The following TRIO variants were observed in gnomAD, a reference collection of about 807,000 sequenced individuals.
TRIO encodes trio Rho guanine nucleotide exchange factor.
TRIO carries 58 observed loss-of-function variants against 351.9 expected under a neutral mutation model. The observed-to-expected ratio is 0.16, with a 90% CI of 0.13 to 0.21. The LOEUF is 0.21. Among genes scored for constraint, TRIO ranks in the 10% least tolerant of loss-of-function variants. The probability of loss-of-function intolerance (pLI) is 1.00; values close to 1 mark genes in which losing one functional copy is unlikely to be tolerated. For synonymous variants in TRIO, 1,758 were observed against 1,595.7 expected (o/e 1.10, Z -2.42); for missense variants, 3,201 against 4,027.8 (o/e 0.79, Z 5.56).
chr5:14,398,319 G>A (rs1446878243), intron 29 of TRIO, among the ~76,000 whole-genome samples: 1 of 152,222 alleles, frequency 6.6e-6, no homozygotes, highest in Non-Finnish European at 1.5e-5. Flanking sequence ...TTCACATGCA[G>A]ACTGTCACAT....
chr5:14,236,546 T>C (rs1793777680), intron 1 of TRIO, among the ~76,000 whole-genome samples: 1 of 152,190 alleles, frequency 6.6e-6, no homozygotes, highest in Non-Finnish European at 1.5e-5. Flanking sequence ...ATACCAAAAC[T>C]TTGTGTGGTT....
chr5:14,396,580 C>T (rs1747616888), intron 28 of TRIO, among the ~76,000 whole-genome samples: 1 of 146,924 alleles, frequency 6.8e-6, no homozygotes. Flanking sequence ...TGTGATTCTC[C>T]TCCCTCAGTC....
chr5:14,504,680 A>T, intron 55 of TRIO, 87 bp downstream of exon 55: 1 of 1,487,814 alleles, frequency 6.7e-7, no homozygotes, highest in Non-Finnish European at 9.1e-7. Flanking sequence ...TCTAAGAAGG[A>T]TAGAAATTGG....
chr5:14,206,781 TA>T (rs1299804044), intron 1 of TRIO, among the ~76,000 whole-genome samples: 3 of 152,254 alleles, frequency 2.0e-5, no homozygotes, highest in African/African-American at 7.2e-5. Context: ...AAAAAGAGAA[TA>T]AAACTTCCTA....
intron 19 of TRIO, among the ~76,000 whole-genome samples, chr5:14,376,035 G>A (rs1159382218): frequency 2.0e-5 from 3 of 152,106 alleles, no homozygotes; most frequent in Non-Finnish European, 4.4e-5. Context: ...GAATATGGTG[G>A]TATTTAGGGT....
intron 1 of TRIO, among the ~76,000 whole-genome samples, chr5:14,144,247 G>A (rs374338962): frequency 6.6e-6 from 1 of 152,312 alleles, no homozygotes; most frequent in East Asian, 1.9e-4. Context: ...AGGAGGCGGC[G>A]GCGGAGATGG....
rs962333622 is a variant in TRIO at position 14,488,453 on chromosome 5, G to T, written c.7632+193G>T. The stretch of plus-strand genomic sequence containing the variant: ...CTACTAACTACTCCTTGCTTTGTTC[G>T]TGTCTTCTAATAAGAGCAAGCCGAT... On this transcript the variant is annotated intron_variant, in intron 48 of 56. Coordinates refer to ENST00000344204, the MANE Select transcript of TRIO (RefSeq NM_007118.4). 1.4e-5 allele frequency: 11 copies of T among 766,408 alleles called. No homozygotes were observed. In the Admixed American group the frequency reaches 2.2e-4, roughly 15 times the overall value. 47.5% of individuals were successfully genotyped at this position (766,408 alleles called of 1,614,324 possible).
At chr5:14,292,535 G>A (rs30631) in intron 5 of TRIO, among the ~76,000 whole-genome samples, 116,108 of 152,126 alleles carry the variant, frequency 0.76, 44,555 homozygotes, top group Middle Eastern at 0.81. Context: ...ACAGGTGTCT[G>A]TGTACTTCTT....
chr5:14,191,239 T>C (rs1056424664), intron 1 of TRIO, among the ~76,000 whole-genome samples: 4 of 152,206 alleles, frequency 2.6e-5, no homozygotes, highest in Non-Finnish European at 4.4e-5. Flanking sequence ...TATATATAAA[T>C]GTGTATGTGT....
rs1446517702 is a variant in TRIO, at chr5:14,394,047, C to A, written c.4228C>A (p.Gln1410Lys). The change falls in exon 28 of 57, where the codon CAG becomes AAG. Residue 1410 changes from glutamine to lysine, a missense_variant. By Grantham distance (53) the Gln-to-Lys change is moderately conservative (BLOSUM62 1). Around this residue, in one of 19 missense-constraint regions of TRIO, gnomAD observed 115 missense variants for 239.6 expected, o/e 0.48. Transcript: ENST00000344204. Reference sequence around the variant, plus strand: ...TTTGGTTTTAATACAGGAGATACAGCAGCGACATGGATTAGCCAATTCCAT... The same window carrying A: ...TTTGGTTTTAATACAGGAGATACAGAAGCGACATGGATTAGCCAATTCCAT... ...HAGSYFDEIQ[Q>K]RHGLANSISS... is the part of the protein sequence containing the mutation. The A allele has an allele frequency of 6.2e-7, 1 of 1,612,080 alleles. No individual in the cohort carries two copies. Among genetic ancestry groups the A allele is most frequent in the East Asian group, 2.2e-5 (1 of 44,834 alleles).
chr5:14,459,833 A>G (rs1056037768), intron 34 of TRIO, among the ~76,000 whole-genome samples: 2 of 152,148 alleles, frequency 1.3e-5, no homozygotes, highest in Admixed American at 6.5e-5. Context: ...AGATCCAATG[A>G]GAAGCTGGTT....
intron 1 of TRIO, among the ~76,000 whole-genome samples, chr5:14,267,775 T>A (rs949689669): frequency 7.9e-5 from 12 of 152,162 alleles, no homozygotes; most frequent in African/African-American, 2.7e-4. Context: ...GTTTTTTTTT[T>A]AAATGGAAAT....
At chr5:14,325,132 C>T (rs555147721) in intron 9 of TRIO, among the ~76,000 whole-genome samples, 1 of 152,294 alleles carries the variant, frequency 6.6e-6, no homozygotes, top group African/African-American at 2.4e-5. Context: ...GCAATCAACA[C>T]CTCTGCATTT....
intron 1 of TRIO, among the ~76,000 whole-genome samples, chr5:14,189,928 T>G (rs1790359726): frequency 6.6e-6 from 1 of 152,054 alleles, no homozygotes; most frequent in Non-Finnish European, 1.5e-5. Flanking sequence ...TGCTGTGTTG[T>G]CCAGGCAGGT....
Position 14,487,947 on chromosome 5 carries a change from G to T in TRIO, c.7319G>T (p.Ser2440Ile). The change falls in exon 48 of 57, where the codon AGC becomes ATC. Residue 2440 changes from serine (S) to isoleucine (I), a missense_variant. Transcript: ENST00000344204. ...PDAPAKDARA[S>I]LGTLPLGKPR... ...GCCCCCGCCAAGGACGCGCGCGCTA[G>T]CCTGGGCACCCTGCCGCTTGGGAAG... is the stretch of plus-strand genomic sequence containing the variant. The T allele has an allele frequency of 1.9e-6, 3 of 1,548,336 alleles. No homozygotes were observed. The South Asian group carries it at 3.6e-5, about 18-fold the overall frequency.
At chr5:14,227,928 A>G (rs1793152219) in intron 1 of TRIO, among the ~76,000 whole-genome samples, 1 of 152,184 alleles carries the variant, frequency 6.6e-6, no homozygotes. Flanking sequence ...CTTGTTGTAT[A>G]TTTGATATTC....
At chr5:14,403,250 C>T (rs1231764460) in intron 31 of TRIO, among the ~76,000 whole-genome samples, 23 of 51,070 alleles carry the variant, frequency 4.5e-4, no homozygotes, top group African/African-American at 1.1e-3. Flanking sequence ...GGTGAGGGTA[C>T]AGGTGGTGGT....
chr5:14,395,356 C>T (rs1747469403), intron 28 of TRIO, among the ~76,000 whole-genome samples: 1 of 152,214 alleles, frequency 6.6e-6, no homozygotes, highest in Non-Finnish European at 1.5e-5. Context: ...CTTTCTAATT[C>T]TACAAAGGCA....
intron 2 of TRIO, among the ~76,000 whole-genome samples, chr5:14,271,609 C>T (rs530352191): frequency 1.1e-4 from 17 of 152,296 alleles, no homozygotes; most frequent in Admixed American, 1.0e-3. Flanking sequence ...GGTATTATAC[C>T]TTTTGGACCC....
Sources: gnomAD v4.1 joint callset for allele counts (sites outside exome capture counted in the v4.1 genomes callset) on GRCh38, gnomAD v4.1.1 for gene constraint, gnomAD v4.1.1 regional missense constraint, MANE v1.5 for transcripts, NCBI Gene and HGNC (gene_info 2026-07-23, HGNC 2026-07-21) for gene names.